PLXDC1: variants seen among roughly 807,000 people sequenced by gnomAD.
PLXDC1 encodes plexin domain containing 1.
Under a neutral mutation model 61.3 loss-of-function variants are expected in PLXDC1, and 39 were observed. The ratio of observed to expected loss-of-function variants is 0.64; its 90% CI spans 0.49 to 0.83. The LOEUF (loss-of-function observed/expected upper bound fraction) is 0.83, where lower values mean the gene tolerates loss of function less well. PLXDC1 is among the 40% of genes least tolerant of loss of function. The pLI is 0.00. For synonymous variants in PLXDC1, 212 were observed against 254.5 expected (o/e 0.83, Z 1.59); for missense variants, 596 against 666.5 (o/e 0.89, Z 1.17).
At chr17:39,075,637 G>A (rs577927093) in intron 11 of PLXDC1, among the ~76,000 whole-genome samples, 6 of 152,260 alleles carry the variant, frequency 3.9e-5, no homozygotes, top group South Asian at 4.1e-4. Flanking sequence ...TAATTTATGC[G>A]CTACTTTAGC....
intron 1 of PLXDC1, among the ~76,000 whole-genome samples, chr17:39,150,873 C>T (rs2045367990): frequency 6.6e-6 from 1 of 152,224 alleles, no homozygotes; most frequent in South Asian, 2.1e-4. Context: ...CCTTCCCAGG[C>T]AGAGACGCTG....
Position 39,105,946 on chromosome 17 carries a change from A to T in PLXDC1, c.719T>A (p.Met240Lys), listed in dbSNP as rs1910576613. ...RIVFAYKEIP[M>K]SVPEISSSQH... ...GGAGGAGCTGATTTCCGGGACAGAC[A>T]TAGGGATCTGCGGCAGGGAGAAGAG... The change falls in exon 7 of 14, where the codon ATG (methionine) becomes AAG (lysine). Residue 240 changes from methionine to lysine, a missense_variant. By Grantham distance (95) the Met-to-Lys change is moderately conservative. Coordinates refer to ENST00000315392, the MANE Select transcript of PLXDC1 (RefSeq NM_020405.5). 2 of 1,612,872 alleles carry T rather than the reference A, an allele frequency of 1.2e-6. No homozygotes were observed. The highest frequency in any genetic ancestry group is 1.7e-6 in the Non-Finnish European group (2 of 1,178,936).
intron 7 of PLXDC1, among the ~76,000 whole-genome samples, chr17:39,095,785 C>G (rs1315934478): frequency 6.6e-6 from 1 of 152,100 alleles, no homozygotes; most frequent in Non-Finnish European, 1.5e-5. Context: ...CTGCCTCAGC[C>G]TCCCGAGGAG....
rs762780981 is a variant in PLXDC1 at position 39,105,884 on chromosome 17, T to G, written c.781A>C (p.Met261Leu). 4.3e-6 allele frequency: 7 copies of G among 1,613,770 alleles called. No homozygotes were observed. In the Admixed American group the frequency reaches 1.2e-4, roughly 27 times the overall value. ...ACATCCGGGGATGGATTGAGAATCATGAAGGCATCCGATAGGCCGGTTTTG... is the reference window on the plus strand; with the variant it reads ...ACATCCGGGGATGGATTGAGAATCAGGAAGGCATCCGATAGGCCGGTTTTG... ...PVKTGLSDAF[M>L]ILNPSPDVPE... Residue 261 changes from methionine (M) to leucine (L), a missense_variant, in exon 7 of 14, where the codon ATG becomes CTG. Physicochemically the swap from Met to Leu is conservative, Grantham distance 15. Coordinates refer to ENST00000315392, the MANE Select transcript of PLXDC1 (RefSeq NM_020405.5).
Position 39,070,033 on chromosome 17 carries a change from A to T in PLXDC1, c.1223-17T>A. On this transcript the variant is annotated splice_polypyrimidine_tract_variant and intron_variant, in intron 12 of 13. Coordinates refer to ENST00000315392, the MANE Select transcript of PLXDC1 (RefSeq NM_020405.5). The stretch of plus-strand genomic sequence containing the variant: ...TCTGAAGGCCTGTGGAGAGATCATT[A>T]GGGCAGACAGGGGCTGCAGGGGAGC... The T allele has an allele frequency of 6.2e-7, 1 of 1,601,712 alleles. No individual in the cohort carries two copies. The highest frequency in any genetic ancestry group is 1.1e-5 in the South Asian group (1 of 90,676).
chr17:39,115,042 G>A (rs184246201), intron 2 of PLXDC1, among the ~76,000 whole-genome samples: 2 of 152,210 alleles, frequency 1.3e-5, no homozygotes, highest in African/African-American at 4.8e-5. Flanking sequence ...CCCGTTGCTC[G>A]GAGTTCTCTG....
chr17:39,082,871 C>T (rs1001624470), intron 9 of PLXDC1, among the ~76,000 whole-genome samples: 5 of 152,218 alleles, frequency 3.3e-5, no homozygotes, highest in African/African-American at 9.6e-5. Context: ...AACTGAATCT[C>T]ACCCAGAATT....
At chr17:39,152,385 C>G (rs1340753665), upstream of PLXDC1, 1 of 601,754 alleles carries the variant, frequency 1.7e-6, no homozygotes, top group African/African-American at 1.9e-5. Context: ...GAGGAAATGG[C>G]TCACCCCACC....
Position 39,130,456 on chromosome 17 carries a change from A to T in PLXDC1, c.255+9198T>A, listed in dbSNP as rs192437497. 3.5e-4 allele frequency among the ~76,000 whole-genome samples: 54 copies of T among 152,302 alleles called. No homozygotes were observed. In the East Asian group the frequency reaches 0.01, roughly 28 times the overall value. ...CAACAGAGCAAGACCCTTTCTCAAG[A>T]ACAAAAACAAAACAGAAAAGGTTTT... On this transcript the variant is annotated intron_variant, in intron 2 of 13. Transcript: ENST00000315392.
At chr17:39,080,865 A>C (rs1909532157) in intron 9 of PLXDC1, 2 of 152,582 alleles carry the variant, frequency 1.3e-5, no homozygotes, top group African/African-American at 4.8e-5. Context: ...AGGAGGGCTC[A>C]ACCCTCATTT....
chr17:39,113,849 C>CAA (rs11448352), intron 2 of PLXDC1, among the ~76,000 whole-genome samples: 3,007 of 143,656 alleles, frequency 0.021, 103 homozygotes, highest in African/African-American at 0.07. Flanking sequence ...GACTCTGTCT[C>CAA]AAAAAAAAAA....
At chr17:39,119,744 C>CA (rs1316809071) in intron 2 of PLXDC1, among the ~76,000 whole-genome samples, 5 of 151,554 alleles carry the variant, frequency 3.3e-5, no homozygotes, top group Admixed American at 2.6e-4. Context: ...GACCCTGTCT[C>CA]AAAAAAAATT....
chr17:39,103,969 AC>A (rs774259435), intron 7 of PLXDC1, among the ~76,000 whole-genome samples: 6 of 152,190 alleles, frequency 3.9e-5, no homozygotes, highest in Non-Finnish European at 7.3e-5. Context: ...GTCCCTAGTC[AC>A]AAAAGCTGCA....
At position 39,067,672 on chromosome 17, in the gene PLXDC1, C is replaced by T. The variant is rs1908946500; in HGVS notation, c.*168G>A. On this transcript the variant is annotated 3_prime_UTR_variant, in exon 14 of 14. Coordinates refer to ENST00000315392, the MANE Select transcript of PLXDC1 (RefSeq NM_020405.5). ...TGTGGTTGTTTTTTGGCCCCCTCTT[C>T]AATATTCGGGGTGTGCTGACGAAGC... 1.6e-6 allele frequency: 1 copy of T among 606,272 alleles called. No individual in the cohort carries two copies. The highest frequency in any genetic ancestry group is 2.7e-5 in the South Asian group (1 of 37,104). 37.6% of individuals were successfully genotyped at this position (606,272 alleles called of 1,614,324 possible). A position where few individuals can be genotyped will look rare whatever the true frequency, so the allele number is the denominator to read the frequency against.
At chr17:39,088,148 C>T (rs1211033310) in intron 7 of PLXDC1, among the ~76,000 whole-genome samples, 2 of 152,212 alleles carry the variant, frequency 1.3e-5, no homozygotes, top group Non-Finnish European at 2.9e-5. Context: ...ACTGCACTCA[C>T]CACACTGTGG....
chr17:39,134,400 T>C (rs980976442), intron 2 of PLXDC1, among the ~76,000 whole-genome samples: 29 of 149,424 alleles, frequency 1.9e-4, no homozygotes, highest in African/African-American at 7.2e-4. Flanking sequence ...CCGAAGCGGG[T>C]GGATTGCCTG....
intron 7 of PLXDC1, among the ~76,000 whole-genome samples, chr17:39,097,661 G>GA (rs1910255765): frequency 6.6e-6 from 1 of 151,614 alleles, no homozygotes; most frequent in Non-Finnish European, 1.5e-5. Flanking sequence ...GCCAGAGCAT[G>GA]GCTTGAGCGT....
intron 7 of PLXDC1, among the ~76,000 whole-genome samples, chr17:39,097,403 T>G (rs923171804): frequency 6.6e-6 from 1 of 152,148 alleles, no homozygotes; most frequent in Non-Finnish European, 1.5e-5. Context: ...CAGCTCAACC[T>G]AATCCAAACA....
In PLXDC1 at chr17:39,151,518, G is replaced by A; in HGVS notation, c.-81C>T. 8.2e-7 allele frequency: 1 copy of A among 1,224,428 alleles called. No homozygotes were observed. The highest frequency in any genetic ancestry group is 3.2e-5 in the East Asian group (1 of 31,080). 75.8% of individuals were successfully genotyped at this position (1,224,428 alleles called of 1,614,324 possible). The stretch of plus-strand genomic sequence containing the variant: ...GGGGGCCCTGGCTCAGGCTGCGGCC[G>A]CGCGGTCCCCGGGGCTGGCGGAGGG... On this transcript the variant is annotated 5_prime_UTR_variant, in exon 1 of 14. Coordinates refer to ENST00000315392, the MANE Select transcript of PLXDC1 (RefSeq NM_020405.5). The surrounding 1 kb of genome is among the most constrained non-coding windows in gnomAD (Gnocchi z 5.2).
Sources: allele counts gnomAD v4.1 joint callset (sites outside exome capture counted in the v4.1 genomes callset), GRCh38; gene constraint gnomAD v4.1.1; non-coding constraint Gnocchi (gnomAD v3.1); transcripts MANE v1.5; gene names NCBI Gene and HGNC (gene_info 2026-07-23, HGNC 2026-07-21).